TAF1: variants seen among roughly 807,000 people sequenced by gnomAD.
The protein encoded by TAF1 is transcription initiation factor TFIID subunit 1.
Under a neutral mutation model 138.5 loss-of-function variants are expected in TAF1, and 2 were observed. That is an observed-to-expected ratio of 0.01 (90% CI 0.01 to 0.05). The LOEUF (loss-of-function observed/expected upper bound fraction) is 0.05, where lower values mean the gene tolerates loss of function less well. TAF1 is among the 10% of genes least tolerant of loss of function. TAF1 has a pLI of 1.00. For synonymous variants in TAF1, 437 were observed against 503.2 expected (o/e 0.87, Z 1.76); for missense variants, 709 against 1,478.0 (o/e 0.48, Z 8.53).
intron 13 of TAF1, among the ~76,000 whole-genome samples, chrX:71,504,741 CAAAAAAAAAAA>C (rs41370846): frequency 0.036 from 204 of 5,667 alleles, 1 homozygote; most frequent in African/African-American, 0.1. Flanking sequence ...GACCCTGTCT[CAAAAAAAAAAA>C]AAAAAAAAAA....
chrX:71,413,643 C>G (rs1190935151), intron 28 of TAF1, among the ~76,000 whole-genome samples: 3 of 111,387 alleles, frequency 2.7e-5, no homozygotes. Flanking sequence ...CCATACCTCT[C>G]TTCAGGGCTC....
chrX:71,409,029 AGAG>A (rs2035629714), intron 28 of TAF1, among the ~76,000 whole-genome samples: 1 of 108,874 alleles, frequency 9.2e-6, no homozygotes, highest in African/African-American at 3.3e-5. Context: ...AAAAAAAAAA[AGAG>A]AGAGAGACGT....
chrX:71,375,418 C>T (rs1462082693), intron 4 of TAF1, 132 bp downstream of exon 4: 22 of 870,134 alleles, frequency 2.5e-5, no homozygotes, highest in East Asian at 7.4e-5. Context: ...TTCATACAAT[C>T]GCAAATTTTA....
chrX:71,493,515 G>A (rs2039337522), intron 13 of TAF1, among the ~76,000 whole-genome samples: 1 of 112,679 alleles, frequency 8.9e-6, no homozygotes, highest in African/African-American at 3.2e-5. Flanking sequence ...CAGAATCTCT[G>A]CTTTCAGTTG....
chrX:71,527,742 A>T (rs2040025172), intron 13 of TAF1: 2 of 118,254 alleles, frequency 1.7e-5, no homozygotes, highest in Admixed American at 8.9e-5. Context: ...ATAGCAACGA[A>T]AGTTTGTAAA....
intron 32 of TAF1, among the ~76,000 whole-genome samples, chrX:71,439,377 C>T (rs1217896414): frequency 1.8e-5 from 2 of 111,599 alleles, no homozygotes; most frequent in Admixed American, 9.6e-5. Flanking sequence ...TGCCTAGTCG[C>T]CTGGTGAATG....
At chrX:71,472,969 C>T (rs1359384890) in intron 13 of TAF1, among the ~76,000 whole-genome samples, 2 of 112,128 alleles carry the variant, frequency 1.8e-5, no homozygotes, top group East Asian at 2.8e-4. Context: ...CCTATGTAAA[C>T]ATACGAACTT....
rs193301279 is a variant in TAF1, at chrX:71,388,787, G to A, written c.2619G>A (p.Thr873=). ...WVLKSDFRLP[T]EEEIRAMVSP... ...TTAAGTCTGATTTTCGTTTACCAACGGAAGAAGAGATCAGAGCTATGGTGT... is the reference window on the plus strand; with the variant it reads ...TTAAGTCTGATTTTCGTTTACCAACAGAAGAAGAGATCAGAGCTATGGTGT... Residue 873 remains threonine, a synonymous_variant, in exon 17 of 38, where the codon ACG becomes ACA. Transcript: ENST00000423759. 15 of 1,210,018 alleles carry A rather than the reference G, an allele frequency of 1.2e-5. No homozygotes were observed. The highest frequency in any genetic ancestry group is 1.7e-5 in the Non-Finnish European group (15 of 895,215).
At chrX:71,432,084 A>G (rs778229750) in intron 32 of TAF1, among the ~76,000 whole-genome samples, 2 of 110,987 alleles carry the variant, frequency 1.8e-5, no homozygotes, top group African/African-American at 6.5e-5. Context: ...TTATTAGAGG[A>G]TGGTTATTGA....
intron 13 of TAF1, among the ~76,000 whole-genome samples, chrX:71,506,864 A>G (rs2039638043): frequency 8.9e-6 from 1 of 112,490 alleles, no homozygotes; most frequent in Non-Finnish European, 1.9e-5. Flanking sequence ...CCATCAATGG[A>G]TGAATGGCAT....
chrX:71,501,972 A>C (rs1441562646), intron 13 of TAF1, among the ~76,000 whole-genome samples: 1 of 111,373 alleles, frequency 9.0e-6, no homozygotes, highest in East Asian at 2.8e-4. Flanking sequence ...GACTTCAAGA[A>C]TGAAGCCATG....
At chrX:71,499,858 C>T (rs1476169051) in intron 13 of TAF1, among the ~76,000 whole-genome samples, 1 of 112,172 alleles carries the variant, frequency 8.9e-6, no homozygotes, top group African/African-American at 3.2e-5. Context: ...CATGACATCT[C>T]TCCAAGTGAG....
intron 32 of TAF1, among the ~76,000 whole-genome samples, chrX:71,448,004 CAAG>C (rs1255784450): frequency 1.8e-5 from 2 of 111,770 alleles, no homozygotes; most frequent in African/African-American, 6.5e-5. Context: ...CATGATTTAA[CAAG>C]AAGAGAAAAA....
At chrX:71,512,841 A>G (rs1051310051) in intron 13 of TAF1, among the ~76,000 whole-genome samples, 6 of 112,028 alleles carry the variant, frequency 5.4e-5, no homozygotes, top group African/African-American at 1.6e-4. Flanking sequence ...CATAGTACAT[A>G]CAGAATAACT....
chrX:71,490,466 G>A (rs755995122), intron 13 of TAF1, among the ~76,000 whole-genome samples: 11 of 109,357 alleles, frequency 1.0e-4, no homozygotes, highest in African/African-American at 3.7e-4. Flanking sequence ...TCTCTCTGTC[G>A]CCCAGGCTGG....
At chrX:71,502,017 C>T (rs961459293) in intron 13 of TAF1, among the ~76,000 whole-genome samples, 16 of 110,884 alleles carry the variant, frequency 1.4e-4, no homozygotes, top group African/African-American at 4.6e-4. Context: ...AAAGGTAGCA[C>T]GGACCCAAAG....
chrX:71,502,296 T>C (rs2039525619), intron 13 of TAF1, among the ~76,000 whole-genome samples: 2 of 111,582 alleles, frequency 1.8e-5, no homozygotes, highest in African/African-American at 6.5e-5. Context: ...CACAGAGCGC[T>C]GATTGGTGCG....
chrX:71,438,565 C>T (rs1216817244), intron 32 of TAF1, among the ~76,000 whole-genome samples: 2 of 111,930 alleles, frequency 1.8e-5, no homozygotes, highest in Admixed American at 1.9e-4. Context: ...CCACCCTGTC[C>T]AGTCTACCAA....
intron 28 of TAF1, among the ~76,000 whole-genome samples, chrX:71,410,580 C>G (rs1485923583): frequency 9.4e-6 from 1 of 106,437 alleles, no homozygotes. Context: ...GCTTCAGCCT[C>G]CCGAGTAGCT....
Sources: gnomAD v4.1 joint callset for allele counts (sites outside exome capture counted in the v4.1 genomes callset) on GRCh38, gnomAD v4.1.1 for gene constraint, MANE v1.5 for transcripts, NCBI Gene and HGNC (gene_info 2026-07-23, HGNC 2026-07-21) for gene names.